NRM: variants seen among roughly 807,000 people sequenced by gnomAD.
NRM encodes the protein nurim.
Under a neutral mutation model 23.4 loss-of-function variants are expected in NRM, and 19 were observed. The ratio of observed to expected loss-of-function variants is 0.81; its 90% CI spans 0.57 to 1.19. The LOEUF is 1.19. Among genes scored for constraint, NRM ranks in the 50% most tolerant of loss-of-function variants. The probability of loss-of-function intolerance (pLI) is 0.00; values close to 1 mark genes in which losing one functional copy is unlikely to be tolerated. For missense variants in NRM, 232 were observed against 329.7 expected (o/e 0.70, Z 2.30); for synonymous variants, 140 against 143.5 (o/e 0.98, Z 0.17).
chr6:30,690,802 CCTTCCT>C lies in NRM; in HGVS notation c.133+34_133+39del. On this transcript the variant is annotated intron_variant, in intron 1 of 3. Transcript: ENST00000376421. The surrounding 1 kb of genome is among the most constrained non-coding windows in gnomAD (Gnocchi z 5.5). The stretch of plus-strand genomic sequence containing the variant: ...CCTCAATCCCTCTCCTACGGCTCCA[CCTTCCT>C]CCTCCCAGTTCATCCTCGATCCCTC... 6.2e-7 allele frequency: 1 copy of C among 1,612,864 alleles called. No homozygotes were observed. The highest frequency in any genetic ancestry group is 8.5e-7 in the Non-Finnish European group (1 of 1,179,882).
rs9262146 is a variant in NRM at position 30,689,051 on chromosome 6, C to G, written c.508-109G>C. 133,151 of 1,270,614 alleles carry G rather than the reference C, an allele frequency of 0.1. 9,239 individuals are homozygous for G. The highest frequency in any genetic ancestry group is 0.13 in the Non-Finnish European group (121,672 of 938,138). 78.7% of individuals were successfully genotyped at this position (1,270,614 alleles called of 1,614,324 possible). A position where few individuals can be genotyped will look rare whatever the true frequency, so the allele number is the denominator to read the frequency against. The stretch of plus-strand genomic sequence containing the variant: ...CCTTCTAGAACTCAGGCCCAGGAAC[C>G]CCCCTTCTGAGACTTGGATCCCTGA... On this transcript the variant is annotated intron_variant, in intron 3 of 3. Coordinates refer to ENST00000376421, the MANE Select transcript of NRM (RefSeq NM_001384369.1). This position sits in a 1 kb window ranked among gnomAD's most constrained non-coding sequence, Gnocchi z 4.7.
chr6:30,688,299 A>G lies in NRM; in HGVS notation c.*362T>C. 1 of 280,960 alleles carries G rather than the reference A, an allele frequency of 3.6e-6. No individual in the cohort carries two copies. Among genetic ancestry groups the G allele is most frequent in the African/African-American group, 2.2e-5 (1 of 46,070 alleles). 17.4% of individuals were successfully genotyped at this position (280,960 alleles called of 1,614,324 possible). On this transcript the variant is annotated 3_prime_UTR_variant, in exon 4 of 4. Transcript: ENST00000376421. The surrounding 1 kb of genome is among the most constrained non-coding windows in gnomAD (Gnocchi z 5.9). ...TTCTTGGAGTGGAAGCCAGCGGTGCAGAAGGGGACCCCTGAGGCGCAGAGG... is the reference window on the plus strand; with the variant it reads ...TTCTTGGAGTGGAAGCCAGCGGTGCGGAAGGGGACCCCTGAGGCGCAGAGG...
At position 30,690,353 on chromosome 6, in the gene NRM, G is replaced by T. The variant is rs1007075984; in HGVS notation, c.134-110C>A. 1.1e-4 allele frequency: 121 copies of T among 1,102,748 alleles called. No homozygotes were observed. Among genetic ancestry groups the T allele is most frequent in the Non-Finnish European group, 4.8e-5 (38 of 784,130 alleles). 68.3% of individuals were successfully genotyped at this position (1,102,748 alleles called of 1,614,324 possible). A position where few individuals can be genotyped will look rare whatever the true frequency, so the allele number is the denominator to read the frequency against. On this transcript the variant is annotated intron_variant, in intron 1 of 3. Coordinates refer to ENST00000376421, the MANE Select transcript of NRM (RefSeq NM_001384369.1). The surrounding 1 kb of genome is among the most constrained non-coding windows in gnomAD (Gnocchi z 5.5). ...AGGCCATGTCCCTTACTGCTTTCAAGAGCCTTAATGCTTCCTCTCTAGGCT... is the reference window on the plus strand; with the variant it reads ...AGGCCATGTCCCTTACTGCTTTCAATAGCCTTAATGCTTCCTCTCTAGGCT...
chr6:30,691,059 A>T (rs1771606631), upstream of NRM: 1 of 1,489,298 alleles, frequency 6.7e-7, no homozygotes, highest in Non-Finnish European at 9.1e-7. Context: ...CCCCGGCTGA[A>T]TCCAGCCCAG....
Position 30,690,835 on chromosome 6 carries a change from C to A in NRM, c.133+7G>T. The A allele has an allele frequency of 6.2e-7, 1 of 1,613,082 alleles. No individual in the cohort carries two copies. Among genetic ancestry groups the A allele is most frequent in the Admixed American group, 1.7e-5 (1 of 60,020 alleles). On this transcript the variant is annotated splice_region_variant and intron_variant, in intron 1 of 3. Coordinates refer to ENST00000376421, the MANE Select transcript of NRM (RefSeq NM_001384369.1). This position sits in a 1 kb window ranked among gnomAD's most constrained non-coding sequence, Gnocchi z 5.5. Reference sequence around the variant, plus strand: ...CTCCCAGTTCATCCTCGATCCCTCCCGCTCACCCGGACCACCAGACTCCGG... The same window carrying A: ...CTCCCAGTTCATCCTCGATCCCTCCAGCTCACCCGGACCACCAGACTCCGG...
rs756015524 is a variant in NRM at position 30,688,890 on chromosome 6, C to T, written c.560G>A (p.Arg187Gln). Reference sequence around the variant, plus strand: ...CAGGTGGGAGAAGAGTCTGAGAGCCCGGGGAGACTTCAGGGCCAGAGGCTC... The same window carrying T: ...CAGGTGGGAGAAGAGTCTGAGAGCCTGGGGAGACTTCAGGGCCAGAGGCTC... ...LGEPLALKSP[R>Q]ALRLFSHLRH... Residue 187 changes from arginine (R) to glutamine (Q), a missense_variant, in exon 4 of 4, where the codon CGG (arginine) becomes CAG (glutamine). By Grantham distance (43) the Arg-to-Gln change is conservative. Transcript: ENST00000376421. This position sits in a 1 kb window ranked among gnomAD's most constrained non-coding sequence, Gnocchi z 5.9. 6.8e-6 allele frequency: 11 copies of T among 1,613,674 alleles called. No homozygotes were observed. The highest frequency in any genetic ancestry group is 2.7e-5 in the African/African-American group (2 of 74,930).
At chr6:30,690,997 A>G (rs1771593143), upstream of NRM, 9 of 1,582,938 alleles carry the variant, frequency 5.7e-6, 1 homozygote, top group Middle Eastern at 1.8e-4. This position sits in a 1 kb window ranked among gnomAD's most constrained non-coding sequence, Gnocchi z 5.5. Flanking sequence ...AGGGGTGGGG[A>G]AAGGGGCGGG....
At position 30,690,788 on chromosome 6, in the gene NRM, C is replaced by T; in HGVS notation, c.133+54G>A. The T allele has an allele frequency of 6.2e-7, 1 of 1,612,700 alleles. No homozygotes were observed. Among genetic ancestry groups the T allele is most frequent in the Non-Finnish European group, 8.5e-7 (1 of 1,179,770 alleles). On this transcript the variant is annotated intron_variant, in intron 1 of 3. Coordinates refer to ENST00000376421, the MANE Select transcript of NRM (RefSeq NM_001384369.1). This position sits in a 1 kb window ranked among gnomAD's most constrained non-coding sequence, Gnocchi z 5.5. Reference sequence around the variant, plus strand: ...TTTCCAAGCCCCGCCCTCAATCCCTCTCCTACGGCTCCACCTTCCTCCTCC... The same window carrying T: ...TTTCCAAGCCCCGCCCTCAATCCCTTTCCTACGGCTCCACCTTCCTCCTCC...
rs1473029235 is a variant in NRM, at chr6:30,689,894, G to A, written c.330+153C>T. On this transcript the variant is annotated intron_variant, in intron 2 of 3. Coordinates refer to ENST00000376421, the MANE Select transcript of NRM (RefSeq NM_001384369.1). This position sits in a 1 kb window ranked among gnomAD's most constrained non-coding sequence, Gnocchi z 4.7. Reference sequence around the variant, plus strand: ...CCCTTCTTGATAAAAAGTAGGATATGTGCTGTGGAGGAATGGAAGCTGAGA... The same window carrying A: ...CCCTTCTTGATAAAAAGTAGGATATATGCTGTGGAGGAATGGAAGCTGAGA... 1.5e-6 allele frequency: 1 copy of A among 670,762 alleles called. No individual in the cohort carries two copies. Among genetic ancestry groups the A allele is most frequent in the Non-Finnish European group, 2.5e-6 (1 of 402,296 alleles). The allele number at this position is 670,762 out of a possible 1,614,324, so 41.6% of individuals were successfully genotyped here.
chr6:30,690,208 G>C lies in NRM; in HGVS notation c.169C>G (p.Arg57Gly). The change falls in exon 2 of 4, where the codon CGC becomes GGC. Residue 57 changes from arginine to glycine, a missense_variant. Arg to Gly is a moderately radical substitution (Grantham distance 125). Transcript: ENST00000376421. The surrounding 1 kb of genome is among the most constrained non-coding windows in gnomAD (Gnocchi z 5.5). ...RQGWLAALQD[R>G]SILAPLAWDL... ...CATGCCAGGGGGGCAAGGATGCTGC[G>C]GTCCTGCAGGGCAGCCAGCCATCCC... is the stretch of plus-strand genomic sequence containing the variant. 6.3e-7 allele frequency: 1 copy of C among 1,587,806 alleles called. No individual in the cohort carries two copies. Among genetic ancestry groups the C allele is most frequent in the South Asian group, 1.1e-5 (1 of 87,040 alleles).
Position 30,689,991 on chromosome 6 carries a change from C to T in NRM, c.330+56G>A. On this transcript the variant is annotated intron_variant, in intron 2 of 3. Coordinates refer to ENST00000376421, the MANE Select transcript of NRM (RefSeq NM_001384369.1). The surrounding 1 kb of genome is among the most constrained non-coding windows in gnomAD (Gnocchi z 4.7). ...CCACGGCACCCCTCCCACACTTGGTCTCCCTTGGGGACTCAACTGCCAGGA... is the reference window on the plus strand; with the variant it reads ...CCACGGCACCCCTCCCACACTTGGTTTCCCTTGGGGACTCAACTGCCAGGA... 6.5e-7 allele frequency: 1 copy of T among 1,539,758 alleles called. No homozygotes were observed. The highest frequency in any genetic ancestry group is 8.7e-7 in the Non-Finnish European group (1 of 1,149,922).
Position 30,690,046 on chromosome 6 carries a change from C to T in NRM, c.330+1G>A. ...ATACCTGCAAGGCCAGGGCCTCATA[C>T]CTGCAAGGCCAGGGCAGTGCAGGCC... On this transcript the variant is annotated splice_donor_variant, in intron 2 of 3. Coordinates refer to ENST00000376421, the MANE Select transcript of NRM (RefSeq NM_001384369.1). LOFTEE classifies it high-confidence loss of function. The surrounding 1 kb of genome is among the most constrained non-coding windows in gnomAD (Gnocchi z 5.5). The T allele has an allele frequency of 6.2e-7, 1 of 1,602,032 alleles. No individual in the cohort carries two copies. Among genetic ancestry groups the T allele is most frequent in the Admixed American group, 1.8e-5 (1 of 56,856 alleles).
rs754380783 is a variant in NRM, at chr6:30,690,275, G to T, written c.134-32C>A. On this transcript the variant is annotated intron_variant, in intron 1 of 3. Coordinates refer to ENST00000376421, the MANE Select transcript of NRM (RefSeq NM_001384369.1). This position sits in a 1 kb window ranked among gnomAD's most constrained non-coding sequence, Gnocchi z 5.5. Reference sequence around the variant, plus strand: ...GAAGTTGAGGGAAAAAGAGACAAAAGATCGAAACAGTGGCAGAATGTTTCC... The same window carrying T: ...GAAGTTGAGGGAAAAAGAGACAAAATATCGAAACAGTGGCAGAATGTTTCC... 1.3e-6 allele frequency: 2 copies of T among 1,538,278 alleles called. No individual in the cohort carries two copies. The highest frequency in any genetic ancestry group is 1.7e-6 in the Non-Finnish European group (2 of 1,144,806).
Position 30,688,887 on chromosome 6 carries a change from G to A in NRM, c.563C>T (p.Ala188Val). 6.2e-7 allele frequency: 1 copy of A among 1,613,854 alleles called. No individual in the cohort carries two copies. The highest frequency in any genetic ancestry group is 8.5e-7 in the Non-Finnish European group (1 of 1,179,980). ...GCGCAGGTGGGAGAAGAGTCTGAGA[G>A]CCCGGGGAGACTTCAGGGCCAGAGG... ...GEPLALKSPR[A>V]LRLFSHLRHP... is the part of the protein sequence containing the mutation. Residue 188 changes from alanine to valine, a missense_variant, in exon 4 of 4, where the codon GCT becomes GTT. By Grantham distance (64) the Ala-to-Val change is moderately conservative. Transcript: ENST00000376421. This position sits in a 1 kb window ranked among gnomAD's most constrained non-coding sequence, Gnocchi z 5.9.
At position 30,690,869 on chromosome 6, in the gene NRM, C is replaced by T. The variant is rs369541833; in HGVS notation, c.106G>A (p.Gly36Arg). Reference sequence around the variant, plus strand: ...GGACCACCAGACTCCGGGATCCCTCCAAGAAGTGGCCGAAGGGAGGTAAAG... The same window carrying T: ...GGACCACCAGACTCCGGGATCCCTCTAAGAAGTGGCCGAAGGGAGGTAAAG... ...VRFTSLRPLL[G>R]GIPESGGPDA... is the part of the protein sequence containing the mutation. The change falls in exon 1 of 4, where the codon GGA becomes AGA. Residue 36 changes from glycine (G) to arginine (R), a missense_variant. Coordinates refer to ENST00000376421, the MANE Select transcript of NRM (RefSeq NM_001384369.1). This position sits in a 1 kb window ranked among gnomAD's most constrained non-coding sequence, Gnocchi z 5.5. 2.3e-5 allele frequency: 37 copies of T among 1,612,952 alleles called. No homozygotes were observed. The highest frequency in any genetic ancestry group is 2.7e-5 in the Non-Finnish European group (32 of 1,180,032).
upstream of NRM, chr6:30,691,110 C>A: frequency 9.9e-7 from 1 of 1,010,540 alleles, no homozygotes; most frequent in Non-Finnish European, 1.4e-6. Context: ...GCTTCCGGCC[C>A]GCCTGGCGCA....
At position 30,689,946 on chromosome 6, in the gene NRM, C is replaced by T; in HGVS notation, c.330+101G>A. 1.7e-6 allele frequency: 2 copies of T among 1,164,446 alleles called. No individual in the cohort carries two copies. The highest frequency in any genetic ancestry group is 2.4e-6 in the Non-Finnish European group (2 of 816,420). 72.1% of individuals were successfully genotyped at this position (1,164,446 alleles called of 1,614,324 possible). A position where few individuals can be genotyped will look rare whatever the true frequency, so the allele number is the denominator to read the frequency against. ...TAGTTCCTCAATTCTCCTCCTGAAC[C>T]CATATTTTGCCCCTCCAATCCACGG... On this transcript the variant is annotated intron_variant, in intron 2 of 3. Transcript: ENST00000376421. The surrounding 1 kb of genome is among the most constrained non-coding windows in gnomAD (Gnocchi z 4.7).
Position 30,688,563 on chromosome 6 carries a change from G to T in NRM, c.*98C>A. On this transcript the variant is annotated 3_prime_UTR_variant, in exon 4 of 4. Coordinates refer to ENST00000376421, the MANE Select transcript of NRM (RefSeq NM_001384369.1). This position sits in a 1 kb window ranked among gnomAD's most constrained non-coding sequence, Gnocchi z 5.9. ...GAAGGGGCATCTCCTTCAGTCCATGGATTTGGGCCTCTGGCATGAAGCAGC... is the reference window on the plus strand; with the variant it reads ...GAAGGGGCATCTCCTTCAGTCCATGTATTTGGGCCTCTGGCATGAAGCAGC... 7.3e-7 allele frequency: 1 copy of T among 1,365,716 alleles called. No homozygotes were observed. 84.6% of individuals were successfully genotyped at this position (1,365,716 alleles called of 1,614,324 possible). A position where few individuals can be genotyped will look rare whatever the true frequency, so the allele number is the denominator to read the frequency against.
Position 30,688,283 on chromosome 6 carries a change from T to G in NRM, c.*378A>C. 1.3e-5 allele frequency: 3 copies of G among 233,324 alleles called. No individual in the cohort carries two copies. Among genetic ancestry groups the G allele is most frequent in the Non-Finnish European group, 1.7e-5 (2 of 117,778 alleles). 14.5% of individuals were successfully genotyped at this position (233,324 alleles called of 1,614,324 possible). On this transcript the variant is annotated 3_prime_UTR_variant, in exon 4 of 4. Transcript: ENST00000376421. The surrounding 1 kb of genome is among the most constrained non-coding windows in gnomAD (Gnocchi z 5.9). ...CAGACCCTGGTCCACCTTCTTGGAG[T>G]GGAAGCCAGCGGTGCAGAAGGGGAC...
Sources: allele counts gnomAD v4.1 joint callset, GRCh38; gene constraint gnomAD v4.1.1; non-coding constraint Gnocchi (gnomAD v3.1); transcripts MANE v1.5; gene names NCBI Gene and HGNC (gene_info 2026-07-23, HGNC 2026-07-21).